Variants in PARVA observed in about 807,000 individuals in gnomAD.
PARVA encodes the protein alpha-parvin.
PARVA carries 25 observed loss-of-function variants against 52.6 expected under a neutral mutation model. The observed-to-expected ratio is 0.48, with a 90% CI of 0.35 to 0.66. The LOEUF is 0.66. PARVA is among the 30% of genes least tolerant of loss of function. The pLI, the probability that PARVA is intolerant of heterozygous loss-of-function variation, is 0.01. For synonymous variants in PARVA, 185 were observed against 179.1 expected, an observed-to-expected ratio of 1.03 and a Z score of -0.26; for missense variants, 373 against 450.9, an observed-to-expected ratio of 0.83 and a Z score of 1.56.
chr11:12,417,613 G>A (rs1940085802), intron 1 of PARVA, among the ~76,000 whole-genome samples: 1 of 152,072 alleles, frequency 6.6e-6, no homozygotes, highest in African/African-American at 2.4e-5. Flanking sequence ...ACAATCAGTA[G>A]GAGAGGAGGA....
At chr11:12,467,183 A>G (rs1940864375) in intron 1 of PARVA, among the ~76,000 whole-genome samples, 1 of 152,244 alleles carries the variant, frequency 6.6e-6, no homozygotes, top group African/African-American at 2.4e-5. Context: ...GTGCTAGTAT[A>G]TAGGAAGCAA....
intron 1 of PARVA, among the ~76,000 whole-genome samples, chr11:12,444,284 C>A (rs1940513450): frequency 6.6e-6 from 1 of 151,966 alleles, no homozygotes; most frequent in African/African-American, 2.4e-5. Flanking sequence ...CCAAAGAGCA[C>A]CAAAAGCAAA....
intron 3 of PARVA, among the ~76,000 whole-genome samples, chr11:12,475,858 C>T (rs558879809): frequency 3.5e-4 from 54 of 152,316 alleles, no homozygotes; most frequent in Middle Eastern, 3.4e-3. Flanking sequence ...GTCTGTGCTG[C>T]ATCCATAGAT....
intron 4 of PARVA, among the ~76,000 whole-genome samples, chr11:12,487,556 G>A (rs1315425716): frequency 6.6e-6 from 1 of 152,092 alleles, no homozygotes; most frequent in Non-Finnish European, 1.5e-5. Flanking sequence ...TAGCTACCAC[G>A]TTGGACAATT....
chr11:12,510,920 A>G (rs779562435), intron 7 of PARVA, among the ~76,000 whole-genome samples: 2 of 152,146 alleles, frequency 1.3e-5, no homozygotes, highest in South Asian at 2.1e-4. Flanking sequence ...TTAAACCTCA[A>G]TGATGTGTCT....
chr11:12,496,584 A>T lies in PARVA; in HGVS notation c.527A>T (p.Lys176Met), dbSNP rs1941301885. The change falls in exon 5 of 13, where the codon AAG becomes ATG. Residue 176 changes from lysine to methionine, a missense_variant. Coordinates refer to ENST00000334956, the MANE Select transcript of PARVA (RefSeq NM_018222.5). ...ETLKLPPRSI[K>M]WNVDSVHAKS... Reference sequence around the variant, plus strand: ...CTGAAACTTCCTCCCAGGAGCATCAAGTGGAATGTGGATTGTGAGTTGAAC... The same window carrying T: ...CTGAAACTTCCTCCCAGGAGCATCATGTGGAATGTGGATTGTGAGTTGAAC... 6.2e-7 allele frequency: 1 copy of T among 1,612,276 alleles called. No homozygotes were observed. The highest frequency in any genetic ancestry group is 2.2e-5 in the East Asian group (1 of 44,826).
At chr11:12,437,521 G>A (rs1347373292) in intron 1 of PARVA, among the ~76,000 whole-genome samples, 2 of 152,238 alleles carry the variant, frequency 1.3e-5, no homozygotes, top group East Asian at 1.9e-4. Flanking sequence ...TGTGAGTAAA[G>A]ACTATGGCCT....
chr11:12,522,608 G>T (rs1039766577), intron 12 of PARVA, among the ~76,000 whole-genome samples: 3 of 151,638 alleles, frequency 2.0e-5, no homozygotes, highest in Non-Finnish European at 4.4e-5. Context: ...TAGTAGAGAC[G>T]GGGTTTCACC....
intron 6 of PARVA, 45 bp from the exon 7 acceptor site, chr11:12,508,539 A>G (rs1941464121): frequency 7.5e-7 from 1 of 1,339,458 alleles, no homozygotes; most frequent in African/African-American, 1.4e-5. Context: ...TCTAAAGCAT[A>G]GTTTTCTCTT....
intron 1 of PARVA, among the ~76,000 whole-genome samples, chr11:12,395,957 G>T (rs1233682377): frequency 2.6e-5 from 4 of 152,242 alleles, no homozygotes; most frequent in African/African-American, 9.6e-5. Flanking sequence ...GAAAAAGAAA[G>T]ATTATCCTTG....
chr11:12,498,561 G>A (rs1054021713), intron 5 of PARVA, among the ~76,000 whole-genome samples: 1 of 144,320 alleles, frequency 6.9e-6, no homozygotes, highest in Non-Finnish European at 1.5e-5. Context: ...GCTTGGTCAG[G>A]TCATATACAC....
At chr11:12,463,900 CTTTAT>C (rs957384406) in intron 1 of PARVA, among the ~76,000 whole-genome samples, 2 of 150,722 alleles carry the variant, frequency 1.3e-5, no homozygotes, top group South Asian at 2.1e-4. Context: ...TCCAATACTA[CTTTAT>C]TTTGTTATTC....
At chr11:12,511,143 T>C (rs756063463) in intron 7 of PARVA, among the ~76,000 whole-genome samples, 1 of 152,158 alleles carries the variant, frequency 6.6e-6, no homozygotes, top group South Asian at 2.1e-4. Context: ...CTCGTAAGAA[T>C]TCTAAGATTT....
chr11:12,413,312 A>G (rs1180346258), intron 1 of PARVA, among the ~76,000 whole-genome samples: 2 of 152,244 alleles, frequency 1.3e-5, no homozygotes, highest in African/African-American at 4.8e-5. Flanking sequence ...AAAAGGATAT[A>G]AAATAGTTGC....
intron 1 of PARVA, among the ~76,000 whole-genome samples, chr11:12,450,310 A>C (rs998410243): frequency 6.6e-6 from 1 of 152,210 alleles, no homozygotes; most frequent in African/African-American, 2.4e-5. Context: ...AAACTAGGAC[A>C]CAGTAGAACT....
chr11:12,473,108 A>AGAGAT (rs1940955332), intron 1 of PARVA, among the ~76,000 whole-genome samples: 1 of 152,110 alleles, frequency 6.6e-6, no homozygotes, highest in South Asian at 2.1e-4. Flanking sequence ...ATGGGCCAAG[A>AGAGAT]GAGATGAAGT....
chr11:12,504,472 C>A, intron 6 of PARVA, 43 bp downstream of exon 6: 1 of 1,263,186 alleles, frequency 7.9e-7, no homozygotes, highest in Non-Finnish European at 1.2e-6. Context: ...TTTAAAGAGT[C>A]GTGGAGGTCG....
At chr11:12,508,532 A>G (rs1941464069) in intron 6 of PARVA, 52 bp from the exon 7 acceptor site, 3 of 1,279,342 alleles carry the variant, frequency 2.3e-6, no homozygotes, top group African/African-American at 1.5e-5. Context: ...GTATTTTTCT[A>G]AAGCATAGTT....
chr11:12,531,973 T>A lies in PARVA; in HGVS notation c.*4048T>A, dbSNP rs2135098654. ...CAATCCTAACTACAAAGGCTACATT[T>A]ACAAATACCAGAGTTTCGACTGTGT... On this transcript the variant is annotated 3_prime_UTR_variant, in exon 13 of 13. Coordinates refer to ENST00000334956, the MANE Select transcript of PARVA (RefSeq NM_018222.5). 6.6e-6 allele frequency among the ~76,000 whole-genome samples: 1 copy of A among 152,282 alleles called. No homozygotes were observed. The highest frequency in any genetic ancestry group is 2.1e-4 in the South Asian group (1 of 4,820).
Sources: allele counts gnomAD v4.1 joint callset (sites outside exome capture counted in the v4.1 genomes callset), GRCh38; gene constraint gnomAD v4.1.1; transcripts MANE v1.5; gene names NCBI Gene and HGNC (gene_info 2026-07-23, HGNC 2026-07-21).